Variants in CADM1 observed in about 807,000 individuals in gnomAD.
CADM1 encodes cell adhesion molecule 1.
In CADM1, 15 loss-of-function variants were observed where a neutral mutation model predicts 53.1. The observed-to-expected ratio is 0.28, with a 90% confidence interval of 0.19 to 0.44. The LOEUF (loss-of-function observed/expected upper bound fraction) is 0.44. Ranked by LOEUF, CADM1 falls within the 20% of genes least tolerant of loss-of-function variation. The pLI is 1.00. For missense variants in CADM1, 434 were observed against 611.3 expected (o/e 0.71, Z 3.06); for synonymous variants, 281 against 243.0 (o/e 1.16, Z -1.45).
chr11:115,242,841 A>C (rs900678573), intron 1 of CADM1, among the ~76,000 whole-genome samples: 1 of 152,240 alleles, frequency 6.6e-6, no homozygotes, highest in Non-Finnish European at 1.5e-5. Flanking sequence ...ACTGGGACTT[A>C]AAGCCAGTTG....
Position 115,220,672 on chromosome 11 carries a change from G to A in CADM1, c.722-2681C>T, listed in dbSNP as rs750697280. ...CCACGGGCAGATGAGCTATCCTCTC[G>A]CCCAGCCTAGGAATCAAATATTATA... is the stretch of plus-strand genomic sequence containing the variant. On this transcript the variant is annotated intron_variant, in intron 5 of 11. Coordinates refer to ENST00000331581, the MANE Select transcript of CADM1 (RefSeq NM_001301043.2). Among the ~76,000 whole-genome samples, 49 of 152,042 alleles carry A rather than the reference G, an allele frequency of 3.2e-4. 1 individual carries two copies. The highest frequency in any genetic ancestry group is 1.3e-4 in the Non-Finnish European group (9 of 67,996).
chr11:115,364,435 C>A (rs1048663389), intron 1 of CADM1, among the ~76,000 whole-genome samples: 24 of 152,198 alleles, frequency 1.6e-4, no homozygotes, highest in African/African-American at 5.8e-4. Context: ...TCCATGTATT[C>A]CCAATGGAAA....
chr11:115,325,811 A>G (rs141119376), intron 1 of CADM1, among the ~76,000 whole-genome samples: 332 of 152,350 alleles, frequency 2.2e-3, no homozygotes, highest in Non-Finnish European at 4.0e-3. Flanking sequence ...ATCACAGCTT[A>G]GGAGAGGTAA....
At chr11:115,258,607 A>G (rs1168599736) in intron 1 of CADM1, among the ~76,000 whole-genome samples, 1 of 152,246 alleles carries the variant, frequency 6.6e-6, no homozygotes, top group African/African-American at 2.4e-5. Context: ...GTCCAAAACC[A>G]TCTTTGGTGA....
intron 1 of CADM1, among the ~76,000 whole-genome samples, chr11:115,283,773 G>A (rs1398234227): frequency 6.6e-6 from 1 of 152,110 alleles, no homozygotes; most frequent in Non-Finnish European, 1.5e-5. Context: ...GCAAGGTCTG[G>A]GCAAGGCTCC....
intron 10 of CADM1, among the ~76,000 whole-genome samples, chr11:115,189,714 G>T (rs537870229): frequency 6.6e-6 from 1 of 152,158 alleles, no homozygotes; most frequent in African/African-American, 2.4e-5. Context: ...ATTGGGATTT[G>T]GAAATTCATT....
chr11:115,184,660 A>T (rs779643468), intron 10 of CADM1, among the ~76,000 whole-genome samples: 1 of 152,382 alleles, frequency 6.6e-6, no homozygotes, highest in Admixed American at 6.5e-5. Flanking sequence ...CATCCCAGGC[A>T]TCTACTACTA....
intron 1 of CADM1, among the ~76,000 whole-genome samples, chr11:115,335,383 A>G (rs1354702307): frequency 2.0e-5 from 3 of 152,126 alleles, no homozygotes; most frequent in African/African-American, 4.8e-5. Flanking sequence ...GGCTTTTCAC[A>G]TTTGCTTCTT....
chr11:115,400,673 A>ATATATG (rs1947129003), intron 1 of CADM1, among the ~76,000 whole-genome samples: 1 of 35,328 alleles, frequency 2.8e-5, no homozygotes, highest in Non-Finnish European at 8.2e-5. Flanking sequence ...ATATATATAT[A>ATATATG]TATATATATA....
intron 1 of CADM1, among the ~76,000 whole-genome samples, chr11:115,467,729 T>C (rs995387268): frequency 6.6e-6 from 1 of 152,210 alleles, no homozygotes; most frequent in Non-Finnish European, 1.5e-5. Context: ...AAATCTACAA[T>C]ACTCTCATCC....
At chr11:115,320,632 T>C (rs961267261) in intron 1 of CADM1, among the ~76,000 whole-genome samples, 27 of 152,186 alleles carry the variant, frequency 1.8e-4, no homozygotes, top group African/African-American at 6.5e-4. Context: ...AATTAGTGTT[T>C]AGACCTACAG....
chr11:115,204,858 G>A (rs925996693), intron 8 of CADM1, among the ~76,000 whole-genome samples: 3 of 152,238 alleles, frequency 2.0e-5, no homozygotes, highest in African/African-American at 7.2e-5. Context: ...GTGGGCCTGG[G>A]GGTAGGAATC....
intron 1 of CADM1, among the ~76,000 whole-genome samples, chr11:115,294,560 C>G (rs1943997178): frequency 6.6e-6 from 1 of 152,006 alleles, no homozygotes; most frequent in African/African-American, 2.4e-5. Flanking sequence ...TTTTTTGTAC[C>G]ACACCCACCT....
intron 1 of CADM1, among the ~76,000 whole-genome samples, chr11:115,501,271 C>T (rs765274447): frequency 2.6e-5 from 4 of 152,162 alleles, no homozygotes; most frequent in African/African-American, 4.8e-5. Context: ...GTCCCTACTG[C>T]GGCTATTCAA....
intron 1 of CADM1, among the ~76,000 whole-genome samples, chr11:115,277,986 C>T (rs546321977): frequency 1.3e-5 from 2 of 152,104 alleles, no homozygotes; most frequent in African/African-American, 4.8e-5. Flanking sequence ...CTTCCGATGA[C>T]CATGCCCCTC....
At position 115,308,173 on chromosome 11, in the gene CADM1, G is replaced by A. The variant is rs543259192; in HGVS notation, c.125-67753C>T. Among the ~76,000 whole-genome samples the A allele has an allele frequency of 8.0e-4, 96 of 120,480 alleles. 1 individual carries two copies. The highest frequency in any genetic ancestry group is 3.6e-3 in the African/African-American group (96 of 26,470). 79.0% of individuals were successfully genotyped at this position (120,480 alleles called of 152,430 possible). A position where few individuals can be genotyped will look rare whatever the true frequency, so the allele number is the denominator to read the frequency against. ...TGTGTGTGTGTGTGTGTGTGTGTGT[G>A]TGTATATCACTCATAGGTGTGTATA... On this transcript the variant is annotated intron_variant, in intron 1 of 11. Transcript: ENST00000331581.
chr11:115,326,333 G>T (rs1322351356), intron 1 of CADM1, among the ~76,000 whole-genome samples: 1 of 151,936 alleles, frequency 6.6e-6, no homozygotes, highest in Non-Finnish European at 1.5e-5. Flanking sequence ...CTGGTTTCTG[G>T]GTTCTAATAA....
intron 3 of CADM1, among the ~76,000 whole-genome samples, chr11:115,231,719 G>A (rs538983266): frequency 3.0e-4 from 46 of 152,122 alleles, no homozygotes; most frequent in Non-Finnish European, 6.0e-4. Flanking sequence ...GGGCATGATG[G>A]CTCACATTTG....
intron 5 of CADM1, among the ~76,000 whole-genome samples, chr11:115,225,929 C>A (rs1172487410): frequency 2.6e-5 from 4 of 152,030 alleles, no homozygotes; most frequent in African/African-American, 7.2e-5. Context: ...TTTCCATAAA[C>A]CTTCATGGTG....
Sources: allele counts gnomAD v4.1 joint callset (sites outside exome capture counted in the v4.1 genomes callset), GRCh38; gene constraint gnomAD v4.1.1; transcripts MANE v1.5; gene names NCBI Gene and HGNC (gene_info 2026-07-23, HGNC 2026-07-21).